The following AUTS2 variants were observed in gnomAD, a reference collection of about 807,000 sequenced individuals.
The protein encoded by AUTS2 is activator of transcription and developmental regulator AUTS2.
Under a neutral mutation model 112.4 loss-of-function variants are expected in AUTS2, and 17 were observed. That is an observed-to-expected ratio of 0.15 (90% CI 0.10 to 0.23). The LOEUF (loss-of-function observed/expected upper bound fraction) is 0.23, where lower values mean the gene tolerates loss of function less well. AUTS2 is among the 10% of genes least tolerant of loss of function. The pLI is 1.00. For missense variants in AUTS2, 1,510 were observed against 1,701.6 expected, an observed-to-expected ratio of 0.89 and a Z score of 1.98; for synonymous variants, 751 against 702.7, an observed-to-expected ratio of 1.07 and a Z score of -1.09.
chr7:70,149,183 A>AT (rs1167215608), intron 4 of AUTS2, among the ~76,000 whole-genome samples: 1 of 152,068 alleles, frequency 6.6e-6, no homozygotes, highest in Non-Finnish European at 1.5e-5. Flanking sequence ...AGCATTTTAA[A>AT]TTTTTTTAAG....
Position 70,766,412 on chromosome 7 carries a change from G to C in AUTS2, c.1689+78G>C. The C allele has an allele frequency of 6.5e-7, 1 of 1,535,692 alleles. No individual in the cohort carries two copies. Among genetic ancestry groups the C allele is most frequent in the African/African-American group, 1.4e-5 (1 of 73,998 alleles). Reference sequence around the variant, plus strand: ...TATGCAGCACGTGGGACCGGGCTGGGCAGCGGGGCCACCAGAGATCGAATG... The same window carrying C: ...TATGCAGCACGTGGGACCGGGCTGGCCAGCGGGGCCACCAGAGATCGAATG... On this transcript the variant is annotated intron_variant, in intron 9 of 18. Coordinates refer to ENST00000342771, the MANE Select transcript of AUTS2 (RefSeq NM_015570.4). This position sits in a 1 kb window ranked among gnomAD's most constrained non-coding sequence, Gnocchi z 4.8.
intron 4 of AUTS2, among the ~76,000 whole-genome samples, chr7:70,185,099 AG>A (rs1443978568): frequency 3.9e-5 from 6 of 152,088 alleles, no homozygotes; most frequent in African/African-American, 1.2e-4. Flanking sequence ...TGCTCAGCAA[AG>A]GGTGGCACAT....
At chr7:70,248,176 T>C (rs1813026201) in intron 4 of AUTS2, among the ~76,000 whole-genome samples, 1 of 152,224 alleles carries the variant, frequency 6.6e-6, no homozygotes, top group South Asian at 2.1e-4. Flanking sequence ...TCTTGTAGTG[T>C]TTTTCTCAAA....
intron 4 of AUTS2, among the ~76,000 whole-genome samples, chr7:70,406,158 C>T (rs1794524984): frequency 1.3e-5 from 2 of 152,150 alleles, no homozygotes; most frequent in South Asian, 2.1e-4. Context: ...GTGTTTTCAT[C>T]TGTCTCCCTC....
chr7:70,227,248 C>T (rs759913239), intron 4 of AUTS2, among the ~76,000 whole-genome samples: 3 of 151,066 alleles, frequency 2.0e-5, no homozygotes, highest in Non-Finnish European at 2.9e-5. Flanking sequence ...ATACTTACAC[C>T]CCTGCCATTC....
At position 70,669,059 on chromosome 7, in the gene AUTS2, T is replaced by C. The variant is rs1807500239; in HGVS notation, c.691-29510T>C. Among the ~76,000 whole-genome samples, 4 of 152,244 alleles carry C rather than the reference T, an allele frequency of 2.6e-5. No homozygotes were observed. The South Asian group carries it at 8.3e-4, about 31-fold the overall frequency. Reference sequence around the variant, plus strand: ...ATTTTCTTTTCATTGTCGTAATGATTTGTAAAATTCCAGAAATGTATTCGT... The same window carrying C: ...ATTTTCTTTTCATTGTCGTAATGATCTGTAAAATTCCAGAAATGTATTCGT... On this transcript the variant is annotated intron_variant, in intron 5 of 18. Transcript: ENST00000342771.
chr7:69,863,446 C>A (rs1181865371), intron 1 of AUTS2, among the ~76,000 whole-genome samples: 1 of 152,138 alleles, frequency 6.6e-6, no homozygotes, highest in South Asian at 2.1e-4. Flanking sequence ...CCCACAGATA[C>A]AGCGGGACAA....
chr7:70,028,935 C>G (rs773446804), intron 2 of AUTS2, among the ~76,000 whole-genome samples: 3 of 152,096 alleles, frequency 2.0e-5, no homozygotes, highest in Admixed American at 6.6e-5. Flanking sequence ...TTCTTTTACT[C>G]CAAACACTGT....
chr7:70,101,108 C>T (rs1432371330), intron 2 of AUTS2, among the ~76,000 whole-genome samples: 3 of 152,024 alleles, frequency 2.0e-5, no homozygotes, highest in Non-Finnish European at 4.4e-5. Flanking sequence ...GAACTCCTGA[C>T]GCCAGGTGAT....
At chr7:70,703,428 C>T (rs548109698) in intron 6 of AUTS2, among the ~76,000 whole-genome samples, 2 of 133,744 alleles carry the variant, frequency 1.5e-5, no homozygotes, top group African/African-American at 2.8e-5. Context: ...CCCACAAGGT[C>T]GAGGCTGCAG....
chr7:70,697,459 A>G lies in AUTS2; in HGVS notation c.691-1110A>G, dbSNP rs553460067. Among the ~76,000 whole-genome samples the G allele has an allele frequency of 2.2e-4, 33 of 152,268 alleles. 1 individual carries two copies. In the South Asian group the frequency reaches 6.8e-3, roughly 32 times the overall value. On this transcript the variant is annotated intron_variant, in intron 5 of 18. Transcript: ENST00000342771. ...AACATGTCCCCCAGATGTACACAGG[A>G]ATATTTCATCTTTGTCAGTATTACA...
chr7:70,368,565 G>A (rs957802813), intron 4 of AUTS2, among the ~76,000 whole-genome samples: 2 of 152,166 alleles, frequency 1.3e-5, no homozygotes, highest in Non-Finnish European at 2.9e-5. Flanking sequence ...TATTCATACT[G>A]TATGGCCAAC....
intron 4 of AUTS2, among the ~76,000 whole-genome samples, chr7:70,208,438 G>A (rs531636192): frequency 6.6e-6 from 1 of 152,204 alleles, no homozygotes; most frequent in South Asian, 2.1e-4. Context: ...AGTATTCCAA[G>A]GACTTTTAGA....
At chr7:70,322,428 C>G (rs768491038) in intron 4 of AUTS2, among the ~76,000 whole-genome samples, 1 of 152,158 alleles carries the variant, frequency 6.6e-6, no homozygotes, top group East Asian at 1.9e-4. Context: ...TGTTATACCA[C>G]ACATCCTGTA....
intron 1 of AUTS2, among the ~76,000 whole-genome samples, chr7:69,786,430 A>C (rs1329904402): frequency 6.6e-6 from 1 of 152,226 alleles, no homozygotes; most frequent in Non-Finnish European, 1.5e-5. Flanking sequence ...AGCACTGTGT[A>C]AAATGGACCA....
chr7:70,497,011 T>A (rs1343502381), intron 5 of AUTS2, among the ~76,000 whole-genome samples: 1 of 50,640 alleles, frequency 2.0e-5, no homozygotes. Flanking sequence ...ACGTACACAG[T>A]CAGACACACA....
At chr7:70,518,367 T>C (rs994521123) in intron 5 of AUTS2, among the ~76,000 whole-genome samples, 1 of 152,050 alleles carries the variant, frequency 6.6e-6, no homozygotes, top group Non-Finnish European at 1.5e-5. Context: ...GTGGGATGAA[T>C]GAAGAATGAA....
intron 1 of AUTS2, among the ~76,000 whole-genome samples, chr7:69,827,389 G>A (rs2129527096): frequency 6.6e-6 from 1 of 152,084 alleles, no homozygotes; most frequent in African/African-American, 2.4e-5. Flanking sequence ...CCTCCATCCA[G>A]GATGCACTTA....
intron 14 of AUTS2, among the ~76,000 whole-genome samples, chr7:70,780,118 A>G (rs1468949154): frequency 6.6e-6 from 1 of 152,052 alleles, no homozygotes; most frequent in South Asian, 2.1e-4. Context: ...AGCAAGGGAA[A>G]TTCAACTAGA....
Sources: gnomAD v4.1 joint callset for allele counts (sites outside exome capture counted in the v4.1 genomes callset) on GRCh38, gnomAD v4.1.1 for gene constraint, Gnocchi (gnomAD v3.1) non-coding constraint, MANE v1.5 for transcripts, NCBI Gene and HGNC (gene_info 2026-07-23, HGNC 2026-07-21) for gene names.